Variants in STAMBP observed in about 807,000 individuals in gnomAD.
STAMBP encodes the protein STAM binding protein.
STAMBP carries 31 observed loss-of-function variants against 50.7 expected under a neutral mutation model. The observed-to-expected ratio is 0.61, with a 90% CI of 0.46 to 0.83. The LOEUF (loss-of-function observed/expected upper bound fraction) is 0.83, where lower values mean the gene tolerates loss of function less well. STAMBP is among the 40% of genes least tolerant of loss of function. STAMBP has a pLI of 0.00. For synonymous variants in STAMBP, 211 were observed against 192.4 expected (o/e 1.10, Z -0.80); for missense variants, 472 against 518.9 (o/e 0.91, Z 0.88).
intron 4 of STAMBP, among the ~76,000 whole-genome samples, chr2:73,846,025 A>G (rs1176173953): frequency 1.3e-5 from 2 of 152,210 alleles, no homozygotes; most frequent in Non-Finnish European, 2.9e-5. Flanking sequence ...CTGTGAATAC[A>G]TACTGCAGCC....
chr2:73,849,448 C>T lies in STAMBP; in HGVS notation c.828C>T (p.Ala276=), dbSNP rs767444556. 3.1e-6 allele frequency: 5 copies of T among 1,612,728 alleles called. No individual in the cohort carries two copies. Among genetic ancestry groups the T allele is most frequent in the Non-Finnish European group, 4.2e-6 (5 of 1,179,556 alleles). ...QFLQLASANT[A]RGVETCGILC... ...TCCAGTTAGCCAGTGCCAACACTGCCCGGGGAGTGGAGACATGTGGAATTC... is the reference window on the plus strand; with the variant it reads ...TCCAGTTAGCCAGTGCCAACACTGCTCGGGGAGTGGAGACATGTGGAATTC... Residue 276 remains alanine, a synonymous_variant, in exon 6 of 10, where the codon GCC becomes GCT. Coordinates refer to ENST00000394070, the MANE Select transcript of STAMBP (RefSeq NM_213622.4).
chr2:73,849,480 GA>G lies in STAMBP; in HGVS notation c.864del (p.Lys288AsnfsTer2), dbSNP rs1350830561. ...GTGGAGACATGTGGAATTCTCTGTGGAAAACTGGTAAAAAGAAAAAAAAAAC... is the reference window on the plus strand; with the variant it reads ...GTGGAGACATGTGGAATTCTCTGTGGAAACTGGTAAAAAGAAAAAAAAAAC... ...RGVETCGILC[G>X]KLMRNEFTIT... On this transcript the variant is annotated frameshift_variant, in exon 6 of 10. Coordinates refer to ENST00000394070, the MANE Select transcript of STAMBP (RefSeq NM_213622.4). LOFTEE classifies it high-confidence loss of function. 39 of 1,583,988 alleles carry G rather than the reference GA, an allele frequency of 2.5e-5. No homozygotes were observed. The highest frequency in any genetic ancestry group is 3.3e-5 in the Non-Finnish European group (39 of 1,169,754).
chr2:73,859,429 GA>G (rs1163380233), intron 8 of STAMBP, 63 bp downstream of exon 8: 5 of 1,285,456 alleles, frequency 3.9e-6, no homozygotes, highest in East Asian at 2.3e-5. Context: ...AGCCTCAGGG[GA>G]AAAGGTCTCT....
At position 73,850,358 on chromosome 2, in the gene STAMBP, T is replaced by C; in HGVS notation, c.868-18T>C. On this transcript the variant is annotated intron_variant, in intron 6 of 9. Transcript: ENST00000394070. The surrounding 1 kb of genome is among the most constrained non-coding windows in gnomAD (Gnocchi z 4.3). ...TGAGCACCAGGGAATTGTGACCAGC[T>C]GTTTTCTCCTTTGGCAGATGAGGAA... 1 of 1,598,086 alleles carries C rather than the reference T, an allele frequency of 6.3e-7. No individual in the cohort carries two copies. Among genetic ancestry groups the C allele is most frequent in the Non-Finnish European group, 8.5e-7 (1 of 1,171,930 alleles).
chr2:73,839,896 G>T (rs779699126), intron 2 of STAMBP, among the ~76,000 whole-genome samples: 27 of 152,164 alleles, frequency 1.8e-4, no homozygotes, highest in Non-Finnish European at 3.5e-4. Context: ...ATCTCATTCT[G>T]CCTCAGAGCT....
At chr2:73,836,829 C>G (rs1215477826) in intron 2 of STAMBP, among the ~76,000 whole-genome samples, 1 of 152,206 alleles carries the variant, frequency 6.6e-6, no homozygotes, top group Non-Finnish European at 1.5e-5. Context: ...GCCATCTCCA[C>G]TTCAACCCCT....
Position 73,850,447 on chromosome 2 carries a change from A to G in STAMBP, c.939A>G (p.Thr313=). ...KQSAGSDYCN[T]ENEEELFLIQ... The stretch of plus-strand genomic sequence containing the variant: ...GTGCTGGGTCTGATTACTGCAACAC[A>G]GAGAACGAAGAAGAACTTTTCCTCA... Residue 313 remains threonine, a synonymous_variant, in exon 7 of 10, where the codon ACA becomes ACG. Coordinates refer to ENST00000394070, the MANE Select transcript of STAMBP (RefSeq NM_213622.4). The surrounding 1 kb of genome is among the most constrained non-coding windows in gnomAD (Gnocchi z 4.3). The G allele has an allele frequency of 1.9e-6, 3 of 1,613,916 alleles. No homozygotes were observed. The Middle Eastern group carries it at 4.9e-4, about 266-fold the overall frequency.
intron 6 of STAMBP, 48 bp downstream of exon 6, chr2:73,849,535 C>G: frequency 6.5e-7 from 1 of 1,542,196 alleles, no homozygotes; most frequent in Non-Finnish European, 8.7e-7. Context: ...GAAACTGTTT[C>G]TTCCCCTCTT....
rs1369411022 is a variant in STAMBP, at chr2:73,863,186, G to C, written c.*927G>C. 1 of 152,126 alleles carries C rather than the reference G, an allele frequency of 6.6e-6. No homozygotes were observed. Among genetic ancestry groups the C allele is most frequent in the African/African-American group, 2.4e-5 (1 of 41,408 alleles). 9.4% of individuals were successfully genotyped at this position (152,126 alleles called of 1,614,324 possible). A position where few individuals can be genotyped will look rare whatever the true frequency, so the allele number is the denominator to read the frequency against. On this transcript the variant is annotated 3_prime_UTR_variant, in exon 10 of 10. Coordinates refer to ENST00000394070, the MANE Select transcript of STAMBP (RefSeq NM_213622.4). ...AATGAAGCCTTTGTTTGGAGTACCA[G>C]GTTACACTCCAATAAATGATTACAT...
chr2:73,837,663 CTG>C (rs1168901170), intron 2 of STAMBP, among the ~76,000 whole-genome samples: 3 of 138,748 alleles, frequency 2.2e-5, no homozygotes, highest in East Asian at 2.2e-4. Flanking sequence ...TTTTTGAAAA[CTG>C]TTTTTCCATA....
At chr2:73,862,092 G>A (rs976946360) in intron 9 of STAMBP, 111 bp from the exon 10 acceptor site, 42 of 773,154 alleles carry the variant, frequency 5.4e-5, no homozygotes, top group South Asian at 2.0e-4. Flanking sequence ...AGCCGAGATC[G>A]TGCCACTGCA....
chr2:73,836,434 G>A (rs913765648), intron 2 of STAMBP, among the ~76,000 whole-genome samples: 2 of 152,346 alleles, frequency 1.3e-5, no homozygotes, highest in South Asian at 2.1e-4. Context: ...TCAAGGTGGG[G>A]TGGCTGACCA....
intron 7 of STAMBP, among the ~76,000 whole-genome samples, chr2:73,856,005 T>C (rs578211412): frequency 6.6e-6 from 1 of 152,344 alleles, no homozygotes; most frequent in African/African-American, 2.4e-5. Context: ...TTTTCCATTT[T>C]TGTTACCTAA....
At chr2:73,857,964 A>G (rs1016795242) in intron 7 of STAMBP, among the ~76,000 whole-genome samples, 2 of 151,612 alleles carry the variant, frequency 1.3e-5, no homozygotes, top group Non-Finnish European at 2.9e-5. Context: ...AGTTTCCAAT[A>G]ATTGTTTATA....
rs1276623147 is a variant in STAMBP at position 73,850,463 on chromosome 2, C to T, written c.955C>T (p.Leu319Phe). The T allele has an allele frequency of 6.2e-7, 1 of 1,613,880 alleles. No individual in the cohort carries two copies. The highest frequency in any genetic ancestry group is 1.7e-5 in the Admixed American group (1 of 59,964). ...CTGCAACACAGAGAACGAAGAAGAA[C>T]TTTTCCTCATACAGGATCAGCAGGG... ...DYCNTENEEE[L>F]FLIQDQQGLI... The change falls in exon 7 of 10, where the codon CTT becomes TTT. Residue 319 changes from leucine to phenylalanine, a missense_variant. Leu to Phe is a conservative substitution (Grantham distance 22). Transcript: ENST00000394070. This position sits in a 1 kb window ranked among gnomAD's most constrained non-coding sequence, Gnocchi z 4.3.
At chr2:73,838,488 T>C (rs1674997426) in intron 2 of STAMBP, among the ~76,000 whole-genome samples, 1 of 152,114 alleles carries the variant, frequency 6.6e-6, no homozygotes, top group Non-Finnish European at 1.5e-5. Context: ...TTAGGAGATT[T>C]TAGAGCATGT....
At chr2:73,842,851 G>A (rs1675568543) in intron 2 of STAMBP, among the ~76,000 whole-genome samples, 1 of 152,148 alleles carries the variant, frequency 6.6e-6, no homozygotes, top group South Asian at 2.1e-4. Flanking sequence ...ATACAAAGAA[G>A]CATGAAACAC....
At chr2:73,834,079 C>T (rs1282543409) in intron 2 of STAMBP, among the ~76,000 whole-genome samples, 9 of 150,302 alleles carry the variant, frequency 6.0e-5, no homozygotes, top group Non-Finnish European at 8.9e-5. Flanking sequence ...GGTGTGGTGG[C>T]GGGTGCCTGT....
intron 7 of STAMBP, among the ~76,000 whole-genome samples, chr2:73,858,282 G>A (rs1156577758): frequency 6.7e-6 from 1 of 149,734 alleles, no homozygotes; most frequent in African/African-American, 2.5e-5. Flanking sequence ...GAGATTACAG[G>A]TGCCCGCCAC....
Sources: allele counts gnomAD v4.1 joint callset (sites outside exome capture counted in the v4.1 genomes callset), GRCh38; gene constraint gnomAD v4.1.1; non-coding constraint Gnocchi (gnomAD v3.1); transcripts MANE v1.5; gene names NCBI Gene and HGNC (gene_info 2026-07-23, HGNC 2026-07-21).